RAET1E: variants seen among roughly 807,000 people sequenced by gnomAD.
RAET1E encodes NKG2D ligand 4.
In RAET1E, 27 loss-of-function variants were observed where a neutral mutation model predicts 21.1. The observed-to-expected ratio is 1.28, with a 90% CI of 0.94 to 1.76. RAET1E has a LOEUF of 1.76. RAET1E is among the 40% of genes most tolerant of loss of function. RAET1E has a pLI of 0.00. For synonymous variants in RAET1E, 113 were observed against 115.0 expected (o/e 0.98, Z 0.11); for missense variants, 310 against 311.3 (o/e 1.00, Z 0.03).
intron 5 of RAET1E, 111 bp from the exon 6 acceptor site, chr6:149,888,778 C>T: frequency 1.4e-6 from 2 of 1,427,722 alleles, no homozygotes; most frequent in Non-Finnish European, 1.8e-6. Context: ...ACATGGTGCC[C>T]CACATAATCA....
At chr6:149,890,414 T>G (rs1777837436) in intron 3 of RAET1E, among the ~76,000 whole-genome samples, 1 of 152,112 alleles carries the variant, frequency 6.6e-6, no homozygotes, top group Non-Finnish European at 1.5e-5. Flanking sequence ...TTTAGCAACA[T>G]CTACCAAGTT....
At position 149,888,461 on chromosome 6, in the gene RAET1E, G is replaced by C. The variant is rs1404937868; in HGVS notation, c.*37C>G. The C allele has an allele frequency of 1.9e-6, 3 of 1,602,102 alleles. No homozygotes were observed. The Admixed American group carries it at 5.2e-5, about 28-fold the overall frequency. On this transcript the variant is annotated 3_prime_UTR_variant, in exon 6 of 6. Coordinates refer to ENST00000357183, the MANE Select transcript of RAET1E (RefSeq NM_001394057.1). The stretch of plus-strand genomic sequence containing the variant: ...TGGATCAGGGAGCGGGGGCTTGGAT[G>C]AGACCCATGATTCACCTCTCTTGAG...
Position 149,884,548 on chromosome 6 carries a change from AGCTCAGGATTGACC to A in RAET1E, c.*3936_*3949del, listed in dbSNP as rs1298804588. On this transcript the variant is annotated 3_prime_UTR_variant, in exon 6 of 6. Transcript: ENST00000357183. ...AGAGTGCAGAACCCTGGGTCAGATC[AGCTCAGGATTGACC>A]CCTCCGTGATCTCTCAGGACTCAGA... 1 of 1,527,188 alleles carries A rather than the reference AGCTCAGGATTGACC, an allele frequency of 6.5e-7. No homozygotes were observed. 94.6% of individuals were successfully genotyped at this position (1,527,188 alleles called of 1,614,324 possible).
In RAET1E at chr6:149,884,362, G is replaced by A. The variant is rs554031277; in HGVS notation, c.*4136C>T. On this transcript the variant is annotated 3_prime_UTR_variant, in exon 6 of 6. Transcript: ENST00000357183. ...TCTGTTGCCAAGACTGGAATGCAGA[G>A]GCGCGATCTCCGCTCATTGCAGGCT... is the stretch of plus-strand genomic sequence containing the variant. The A allele has an allele frequency of 3.3e-6, 3 of 905,328 alleles. No homozygotes were observed. The highest frequency in any genetic ancestry group is 5.2e-6 in the Non-Finnish European group (3 of 580,068). The allele number at this position is 905,328 out of a possible 1,614,324, so 56.1% of individuals were successfully genotyped here.
In RAET1E at chr6:149,888,180, A is replaced by G; in HGVS notation, c.*318T>C. On this transcript the variant is annotated 3_prime_UTR_variant, in exon 6 of 6. Coordinates refer to ENST00000357183, the MANE Select transcript of RAET1E (RefSeq NM_001394057.1). ...AAGTCTTCTCAGGGTGAACGGGAAAAGGGGATGGGACCTGCTGAGCTAAAT... is the reference window on the plus strand; with the variant it reads ...AAGTCTTCTCAGGGTGAACGGGAAAGGGGGATGGGACCTGCTGAGCTAAAT... The G allele has an allele frequency of 1.0e-5, 6 of 588,862 alleles. No homozygotes were observed. The highest frequency in any genetic ancestry group is 4.2e-5 in the East Asian group (1 of 23,926). The allele number at this position is 588,862 out of a possible 1,614,324, so 36.5% of individuals were successfully genotyped here.
intron 3 of RAET1E, 106 bp from the exon 4 acceptor site, chr6:149,890,251 C>A: frequency 8.1e-7 from 1 of 1,232,454 alleles, no homozygotes; most frequent in Non-Finnish European, 1.1e-6. Flanking sequence ...CTAGCAGAGG[C>A]GGGGCAGCTC....
chr6:149,891,196 C>T (rs546023362), intron 2 of RAET1E, among the ~76,000 whole-genome samples, 162 bp from the exon 3 acceptor site: 1 of 152,116 alleles, frequency 6.6e-6, no homozygotes, highest in Non-Finnish European at 1.5e-5. Context: ...CAAAAAAAAC[C>T]CCCTCTGGTG....
rs3798763 is a variant in RAET1E at position 149,889,964 on chromosome 6, T to C, written c.267A>G (p.Glu89=). The change falls in exon 4 of 6, where the codon GAA becomes GAG. Residue 89 remains glutamate (E), a synonymous_variant. Coordinates refer to ENST00000357183, the MANE Select transcript of RAET1E (RefSeq NM_001394057.1). ...KKVYATSTWG[E]LTQTLGEVGR... The stretch of plus-strand genomic sequence containing the variant: ...CCACTTCTCCCAGCGTTTGGGTCAA[T>C]TCTCCCCAAGTGCTGGTGGCATATA... The C allele has an allele frequency of 0.25, 404,350 of 1,613,726 alleles. 53,184 individuals are homozygous for C. The highest frequency in any genetic ancestry group is 0.38 in the Admixed American group (22,593 of 59,990).
At chr6:149,894,031 C>G (rs1305051193) in intron 2 of RAET1E, among the ~76,000 whole-genome samples, 1 of 152,218 alleles carries the variant, frequency 6.6e-6, no homozygotes, top group East Asian at 1.9e-4. Context: ...TTGAACCAGC[C>G]TTGCATCCCA....
At chr6:149,889,163 A>C in intron 5 of RAET1E, 185 bp downstream of exon 5, 1 of 1,440,158 alleles carries the variant, frequency 6.9e-7, no homozygotes, top group Non-Finnish European at 9.1e-7. Context: ...AGGAAGAAAC[A>C]GTGGGAGGTG....
In RAET1E at chr6:149,884,470, G is replaced by A. The variant is rs147082404; in HGVS notation, c.*4028C>T. ...GAGGACCACAGGTGAACAACTCTGC[G>A]CCGCCGTGGTATCACCTCTAGGTGG... On this transcript the variant is annotated 3_prime_UTR_variant, in exon 6 of 6. Coordinates refer to ENST00000357183, the MANE Select transcript of RAET1E (RefSeq NM_001394057.1). 520 of 1,535,648 alleles carry A rather than the reference G, an allele frequency of 3.4e-4. 1 individual carries two copies. The African/African-American group carries it at 6.4e-3, about 19-fold the overall frequency.
In RAET1E at chr6:149,889,544, G is replaced by A. The variant is rs572045980; in HGVS notation, c.426C>T (p.Thr142=). The A allele has an allele frequency of 2.5e-6, 4 of 1,614,106 alleles. No homozygotes were observed. In the African/African-American group the frequency reaches 5.3e-5, roughly 22 times the overall value. ...RCTGASWQFA[T]NGEKSLLFDA... Reference sequence around the variant, plus strand: ...CAAAGAGGAGGGATTTCTCTCCATTGGTGGCGAACTGCCAGGATGCACCAG... The same window carrying A: ...CAAAGAGGAGGGATTTCTCTCCATTAGTGGCGAACTGCCAGGATGCACCAG... The change falls in exon 5 of 6, where the codon ACC becomes ACT. Residue 142 remains threonine (T), a synonymous_variant. Transcript: ENST00000357183.
intron 3 of RAET1E, 124 bp downstream of exon 3, chr6:149,890,693 C>T: frequency 1.5e-6 from 1 of 682,502 alleles, no homozygotes; most frequent in Non-Finnish European, 2.6e-6. Flanking sequence ...GGATCCTCTT[C>T]CTCACGTCAT....
chr6:149,886,501 T>A lies in RAET1E; in HGVS notation c.*1997A>T, dbSNP rs148406557. On this transcript the variant is annotated 3_prime_UTR_variant, in exon 6 of 6. Coordinates refer to ENST00000357183, the MANE Select transcript of RAET1E (RefSeq NM_001394057.1). ...ACTCCGCCTCCTGAGTTCAAGCGAT[T>A]CTCCTGTCTCAGCCTCCCGAGTAGC... Among the ~76,000 whole-genome samples, 1,220 of 152,332 alleles carry A rather than the reference T, an allele frequency of 8.0e-3. 11 individuals are homozygous for A. The highest frequency in any genetic ancestry group is 0.027 in the African/African-American group (1,120 of 41,580).
intron 2 of RAET1E, among the ~76,000 whole-genome samples, chr6:149,892,505 TC>T (rs1225153193): frequency 6.6e-6 from 1 of 152,234 alleles, no homozygotes; most frequent in Non-Finnish European, 1.5e-5. Flanking sequence ...ATAAATATCT[TC>T]TTTGGAGAAG....
rs1450739624 is a variant in RAET1E, at chr6:149,889,470, A to T, written c.500T>A (p.Ile167Asn). The T allele has an allele frequency of 3.7e-6, 6 of 1,613,964 alleles. No individual in the cohort carries two copies. Among genetic ancestry groups the T allele is most frequent in the Non-Finnish European group, 5.1e-6 (6 of 1,180,014 alleles). Residue 167 changes from isoleucine to asparagine, a missense_variant, in exon 5 of 6, where the codon ATC becomes AAC. Ile to Asn is a moderately radical substitution (Grantham distance 149). Transcript: ENST00000357183. ...TCTGTCTTTCTTCCATGTCTCCTTG[A>T]TCTTACTGGCTTCATGATTAATTAC... Reference protein sequence around the residue: ...WTVINHEASKIKETWKKDRGL... With the variant: ...WTVINHEASKNKETWKKDRGL...
rs1562462219 is a variant in RAET1E, at chr6:149,886,508, T to C, written c.*1990A>G. Among the ~76,000 whole-genome samples the C allele has an allele frequency of 6.6e-6, 1 of 152,176 alleles. No individual in the cohort carries two copies. Among genetic ancestry groups the C allele is most frequent in the Admixed American group, 6.5e-5 (1 of 15,280 alleles). ...CTCCTGAGTTCAAGCGATTCTCCTG[T>C]CTCAGCCTCCCGAGTAGCTGGGATT... On this transcript the variant is annotated 3_prime_UTR_variant, in exon 6 of 6. Transcript: ENST00000357183.
Position 149,884,404 on chromosome 6 carries a change from C to G in RAET1E, c.*4094G>C. ...TTGCAGGCTCCGCCTCCACTTGACT[C>G]AGGGAACACACAGCAGTGGGAGCCA... On this transcript the variant is annotated 3_prime_UTR_variant, in exon 6 of 6. Transcript: ENST00000357183. 7.7e-7 allele frequency: 1 copy of G among 1,302,196 alleles called. No individual in the cohort carries two copies. The highest frequency in any genetic ancestry group is 1.5e-5 in the African/African-American group (1 of 68,498). 80.7% of individuals were successfully genotyped at this position (1,302,196 alleles called of 1,614,324 possible).
chr6:149,888,770 A>G, intron 5 of RAET1E, 103 bp from the exon 6 acceptor site: 4 of 1,445,974 alleles, frequency 2.8e-6, no homozygotes, highest in Non-Finnish European at 3.6e-6. Flanking sequence ...CCAGGAACAC[A>G]TGGTGCCCCA....
Sources: allele counts gnomAD v4.1 joint callset (sites outside exome capture counted in the v4.1 genomes callset), GRCh38; gene constraint gnomAD v4.1.1; transcripts MANE v1.5; gene names NCBI Gene and HGNC (gene_info 2026-07-23, HGNC 2026-07-21).